P4HA1: variants seen among roughly 807,000 people sequenced by gnomAD.
The protein encoded by P4HA1 is prolyl 4-hydroxylase subunit alpha 1.
A neutral mutation model predicts 72.8 loss-of-function variants in P4HA1; 24 were observed. That is an observed-to-expected ratio of 0.33 (90% CI 0.24 to 0.46). The LOEUF (loss-of-function observed/expected upper bound fraction) is 0.46, where lower values mean the gene tolerates loss of function less well. Among genes scored for constraint, P4HA1 ranks in the 20% least tolerant of loss-of-function variants. P4HA1 has a pLI of 1.00. For synonymous variants in P4HA1, 201 were observed against 218.8 expected (o/e 0.92, Z 0.72); for missense variants, 446 against 640.6 (o/e 0.70, Z 3.28).
intron 9 of P4HA1, among the ~76,000 whole-genome samples, chr10:73,042,971 T>C (rs896307033): frequency 2.0e-5 from 3 of 151,502 alleles, no homozygotes; most frequent in African/African-American, 7.3e-5. Flanking sequence ...CTGAAAATCT[T>C]TTATTTATCA....
chr10:73,046,440 G>A (rs1048668498), intron 8 of P4HA1, among the ~76,000 whole-genome samples: 1 of 152,056 alleles, frequency 6.6e-6, no homozygotes, highest in Admixed American at 6.5e-5. Context: ...AAATTCTGTG[G>A]GTTAAAGTCA....
intron 1 of P4HA1, among the ~76,000 whole-genome samples, chr10:73,096,374 G>A (rs1842165243): frequency 6.6e-6 from 1 of 152,164 alleles, no homozygotes; most frequent in Admixed American, 6.5e-5. Context: ...CCCCGCGCTT[G>A]CGTTCCCCTT....
intron 12 of P4HA1, among the ~76,000 whole-genome samples, chr10:73,013,125 T>C (rs1839944981): frequency 1.3e-5 from 2 of 152,180 alleles, no homozygotes; most frequent in South Asian, 2.1e-4. Context: ...TAACAAAGGT[T>C]ATGACATTAT....
At chr10:73,042,482 A>C in intron 9 of P4HA1, among the ~76,000 whole-genome samples, 1 of 152,326 alleles carries the variant, frequency 6.6e-6, no homozygotes, top group South Asian at 2.1e-4. Flanking sequence ...TTCATAATTT[A>C]GTTTCGAATG....
At chr10:73,047,313 G>C (rs1181463663) in intron 7 of P4HA1, among the ~76,000 whole-genome samples, 1 of 151,992 alleles carries the variant, frequency 6.6e-6, no homozygotes, top group African/African-American at 2.4e-5. Context: ...CTGGGTGAGA[G>C]AGGCGAGGTC....
At chr10:73,029,110 CTTAG>C (rs1840368923) in intron 10 of P4HA1, among the ~76,000 whole-genome samples, 1 of 151,516 alleles carries the variant, frequency 6.6e-6, no homozygotes, top group African/African-American at 2.4e-5. Context: ...CTGCATCTGT[CTTAG>C]AATTTTGCAA....
At chr10:73,023,052 A>C (rs1399399500) in intron 10 of P4HA1, among the ~76,000 whole-genome samples, 2 of 152,216 alleles carry the variant, frequency 1.3e-5, no homozygotes, top group Admixed American at 6.5e-5. Flanking sequence ...GGGAGAATGG[A>C]AACAGGCTGA....
intron 10 of P4HA1, among the ~76,000 whole-genome samples, chr10:73,017,208 G>T (rs903632313): frequency 6.7e-5 from 9 of 133,514 alleles, no homozygotes; most frequent in Admixed American, 3.5e-4. Flanking sequence ...TGTATATATA[G>T]ATATCTATAT....
intron 7 of P4HA1, among the ~76,000 whole-genome samples, chr10:73,047,872 G>A (rs867312428): frequency 4.6e-5 from 7 of 152,052 alleles, no homozygotes; most frequent in African/African-American, 1.4e-4. Context: ...GTCACACAGC[G>A]AAATCTCGTC....
At chr10:73,074,936 T>C (rs1589622037) in intron 1 of P4HA1, 21 bp from the exon 2 acceptor site, 1 of 781,798 alleles carries the variant, frequency 1.3e-6, no homozygotes, top group Non-Finnish European at 2.2e-6. Flanking sequence ...AAGAGAGAAA[T>C]GCAGCCATTA....
chr10:73,027,855 G>GGGGA (rs1198554987), intron 10 of P4HA1, among the ~76,000 whole-genome samples: 2 of 125,448 alleles, frequency 1.6e-5, no homozygotes, highest in Non-Finnish European at 3.3e-5. Context: ...GGAGAGAGGA[G>GGGGA]GGGAGGGAGG....
intron 1 of P4HA1, among the ~76,000 whole-genome samples, chr10:73,077,815 TAC>T (rs1841734332): frequency 7.7e-6 from 1 of 129,824 alleles, no homozygotes; most frequent in African/African-American, 3.3e-5. Flanking sequence ...ACTTCATCTC[TAC>T]AAAAAAAAAA....
intron 10 of P4HA1, among the ~76,000 whole-genome samples, chr10:73,018,622 T>TGCCTCATCCAGGGC (rs147005431): frequency 0.042 from 6,437 of 151,988 alleles, 357 homozygotes; most frequent in African/African-American, 0.13. Flanking sequence ...TAGAACCTGG[T>TGCCTCATCCAGGGC]GCCTCATCCA....
intron 1 of P4HA1, among the ~76,000 whole-genome samples, chr10:73,091,018 G>A (rs1234347381): frequency 2.3e-5 from 3 of 133,324 alleles, no homozygotes; most frequent in Non-Finnish European, 3.1e-5. Context: ...CCGAGATTGC[G>A]CCACTGCACT....
At position 73,093,048 on chromosome 10, in the gene P4HA1, A is replaced by T. The variant is rs574076338; in HGVS notation, c.-33+3718T>A. On this transcript the variant is annotated intron_variant, in intron 1 of 14. Coordinates refer to ENST00000394890, the MANE Select transcript of P4HA1 (RefSeq NM_001017962.3). ...GGCAGAAGGATTGCTTGAGCCCAGG[A>T]GTTCAAGGCTGCAGTGAGCTATGGT... Among the ~76,000 whole-genome samples, 7 of 151,600 alleles carry T rather than the reference A, an allele frequency of 4.6e-5. No individual in the cohort carries two copies. In the East Asian group the frequency reaches 1.2e-3, roughly 25 times the overall value.
intron 7 of P4HA1, among the ~76,000 whole-genome samples, chr10:73,048,725 T>C (rs1840934382): frequency 6.6e-6 from 1 of 152,236 alleles, no homozygotes; most frequent in Admixed American, 6.5e-5. Flanking sequence ...GAACACTAGA[T>C]ATTTGATATT....
At chr10:73,043,906 G>A in intron 9 of P4HA1, 2 of 1,611,870 alleles carry the variant, frequency 1.2e-6, no homozygotes, top group Non-Finnish European at 8.5e-7. Flanking sequence ...ACTCTGTACT[G>A]TGCTGTGGTC....
intron 10 of P4HA1, among the ~76,000 whole-genome samples, chr10:73,023,478 C>T (rs1319303301): frequency 3.3e-5 from 5 of 152,138 alleles, no homozygotes; most frequent in Non-Finnish European, 7.4e-5. Context: ...GCCTGTCTTA[C>T]AAGAGCTCCT....
chr10:73,081,727 T>C (rs546265601), intron 1 of P4HA1, among the ~76,000 whole-genome samples: 5 of 152,280 alleles, frequency 3.3e-5, no homozygotes, highest in Admixed American at 6.5e-5. Flanking sequence ...AAAAGTGATA[T>C]GCCATTCAAT....
Sources: allele counts gnomAD v4.1 joint callset (sites outside exome capture counted in the v4.1 genomes callset), GRCh38; gene constraint gnomAD v4.1.1; transcripts MANE v1.5; gene names NCBI Gene and HGNC (gene_info 2026-07-23, HGNC 2026-07-21).